PARD3B: variants seen among roughly 807,000 people sequenced by gnomAD.
PARD3B encodes partitioning defective 3 homolog B.
Under a neutral mutation model 130.2 loss-of-function variants are expected in PARD3B, and 103 were observed. The observed-to-expected ratio is 0.79, with a 90% CI of 0.67 to 0.93. PARD3B has a LOEUF of 0.93. Ranked by LOEUF, PARD3B falls within the 40% of genes least tolerant of loss-of-function variation. The pLI is 0.00. For missense variants in PARD3B, 1,609 were observed against 1,499.2 expected (o/e 1.07, Z -1.21); for synonymous variants, 583 against 553.2 (o/e 1.05, Z -0.76).
chr2:205,560,051 G>A (rs768656091), intron 22 of PARD3B, among the ~76,000 whole-genome samples: 1 of 152,170 alleles, frequency 6.6e-6, no homozygotes, highest in Non-Finnish European at 1.5e-5. Context: ...AAGGTCACAC[G>A]CAGAGAGAGG....
At chr2:205,206,534 A>C (rs1179987424) in intron 15 of PARD3B, among the ~76,000 whole-genome samples, 1 of 151,222 alleles carries the variant, frequency 6.6e-6, no homozygotes, top group Non-Finnish European at 1.5e-5. Flanking sequence ...TGTCCCTACA[A>C]AGGACATGAA....
rs747104804 is a variant in PARD3B at position 205,119,010 on chromosome 2, T to C, written c.770T>C (p.Ile257Thr). 3 of 1,610,056 alleles carry C rather than the reference T, an allele frequency of 1.9e-6. No homozygotes were observed. In the South Asian group the frequency reaches 3.3e-5, roughly 18 times the overall value. The change falls in exon 7 of 23, where the codon ATC (isoleucine) becomes ACC (threonine). Residue 257 changes from isoleucine to threonine, a missense_variant. Transcript: ENST00000406610. ...CACGAAAATGAATGTATTGTAAAAA[T>C]CAACAATGTGGATCTCGTAGACAAA... is the stretch of plus-strand genomic sequence containing the variant. Reference protein sequence around the residue: ...LFHENECIVKINNVDLVDKTF... With the variant: ...LFHENECIVKTNNVDLVDKTF...
At chr2:205,381,842 A>G (rs2045460859) in intron 18 of PARD3B, among the ~76,000 whole-genome samples, 1 of 152,054 alleles carries the variant, frequency 6.6e-6, no homozygotes, top group Admixed American at 6.6e-5. Context: ...TCTAACAAGA[A>G]ACTAGAGGGA....
At chr2:205,395,674 A>G (rs1451710422) in intron 18 of PARD3B, among the ~76,000 whole-genome samples, 1 of 152,026 alleles carries the variant, frequency 6.6e-6, no homozygotes, top group East Asian at 1.9e-4. Context: ...CTCAATGGCC[A>G]CTTCTCTAGT....
chr2:204,681,770 G>A (rs2036846488), intron 1 of PARD3B, among the ~76,000 whole-genome samples: 1 of 152,080 alleles, frequency 6.6e-6, no homozygotes, highest in Non-Finnish European at 1.5e-5. Context: ...GTGCATTGTG[G>A]GGCATCTGAT....
intron 2 of PARD3B, among the ~76,000 whole-genome samples, chr2:204,782,822 C>G (rs2041885636): frequency 6.6e-6 from 1 of 151,852 alleles, no homozygotes; most frequent in South Asian, 2.1e-4. Context: ...GTTTCTAATG[C>G]AGTGTTTTAA....
intron 22 of PARD3B, among the ~76,000 whole-genome samples, chr2:205,565,639 A>G (rs1020915670): frequency 3.9e-5 from 6 of 152,058 alleles, no homozygotes; most frequent in African/African-American, 1.5e-4. Flanking sequence ...TTCTTATCCA[A>G]TTTTTTAAAA....
In PARD3B at chr2:204,858,739, G is replaced by A. The variant is rs559721259; in HGVS notation, c.223-106413G>A. ...GTTAATTTGTTCTACAACAGTAACA[G>A]TTTTACTGTATATATAGGTGTATAT... On this transcript the variant is annotated intron_variant, in intron 2 of 22. Transcript: ENST00000406610. Among the ~76,000 whole-genome samples, 4 of 148,490 alleles carry A rather than the reference G, an allele frequency of 2.7e-5. No homozygotes were observed. The South Asian group carries it at 8.4e-4, about 31-fold the overall frequency.
At chr2:205,032,415 C>G (rs551211859) in intron 3 of PARD3B, among the ~76,000 whole-genome samples, 1 of 152,050 alleles carries the variant, frequency 6.6e-6, no homozygotes, top group Admixed American at 6.6e-5. Context: ...TTCTTCCTAC[C>G]GGATGCATAA....
intron 3 of PARD3B, among the ~76,000 whole-genome samples, chr2:204,978,518 A>G (rs1439920217): frequency 6.6e-6 from 1 of 152,214 alleles, no homozygotes; most frequent in Non-Finnish European, 1.5e-5. Flanking sequence ...CATGTGCACA[A>G]AAGTTGTACC....
rs1001263757 is a variant in PARD3B, at chr2:204,694,323, T to C, written c.222+8041T>C. Among the ~76,000 whole-genome samples the C allele has an allele frequency of 2.0e-5, 3 of 152,076 alleles. 1 individual carries two copies. Among genetic ancestry groups the C allele is most frequent in the Non-Finnish European group, 4.4e-5 (3 of 67,978 alleles). ...GTCTTTTTTTCTTTTTCAAATGTTA[T>C]TGGCTAGTAACATTTACCACTTACC... On this transcript the variant is annotated intron_variant, in intron 2 of 22. Coordinates refer to ENST00000406610, the MANE Select transcript of PARD3B (RefSeq NM_001302769.2).
chr2:205,500,012 C>G lies in PARD3B; in HGVS notation c.3161C>G (p.Ser1054Cys), dbSNP rs770002976. The G allele has an allele frequency of 7.9e-5, 128 of 1,613,650 alleles. 1 individual carries two copies. Among genetic ancestry groups the G allele is most frequent in the Non-Finnish European group, 1.1e-4 (126 of 1,179,772 alleles). Residue 1054 changes from serine (S) to cysteine (C), a missense_variant, in exon 21 of 23, where the codon TCT becomes TGT. Coordinates refer to ENST00000406610, the MANE Select transcript of PARD3B (RefSeq NM_001302769.2). ...GACGACGAAGGAAGAGCAAGGCCATCTGAGTATGACCTACTCTGGGTAAGC... is the reference window on the plus strand; with the variant it reads ...GACGACGAAGGAAGAGCAAGGCCATGTGAGTATGACCTACTCTGGGTAAGC... ...YEDDEGRARP[S>C]EYDLLWVPGR...
At chr2:205,491,913 G>T (rs931809589) in intron 20 of PARD3B, among the ~76,000 whole-genome samples, 4 of 152,144 alleles carry the variant, frequency 2.6e-5, no homozygotes, top group Admixed American at 6.5e-5. Flanking sequence ...CAGGATGGCT[G>T]GGGGGAGGAC....
chr2:205,064,788 A>G (rs190496601), intron 4 of PARD3B, among the ~76,000 whole-genome samples: 1 of 152,336 alleles, frequency 6.6e-6, no homozygotes, highest in East Asian at 1.9e-4. Flanking sequence ...GACATTTGAT[A>G]AGCATAAAAA....
rs114817637 is a variant in PARD3B at position 205,578,615 on chromosome 2, T to C, written c.3260+25212T>C. ...AGAATGAATGATAAAAATAGAATCATGAGAAAAAATGGTATCAAGGTATTG... is the reference window on the plus strand; with the variant it reads ...AGAATGAATGATAAAAATAGAATCACGAGAAAAAATGGTATCAAGGTATTG... On this transcript the variant is annotated intron_variant, in intron 22 of 22. Coordinates refer to ENST00000406610, the MANE Select transcript of PARD3B (RefSeq NM_001302769.2). Among the ~76,000 whole-genome samples, 271 of 152,272 alleles carry C rather than the reference T, an allele frequency of 1.8e-3. 1 individual carries two copies. Among genetic ancestry groups the C allele is most frequent in the African/African-American group, 6.3e-3 (263 of 41,572 alleles).
chr2:204,681,577 C>G (rs2125234093), intron 1 of PARD3B, among the ~76,000 whole-genome samples: 1 of 152,310 alleles, frequency 6.6e-6, no homozygotes, highest in South Asian at 2.1e-4. Context: ...TTCATCACTG[C>G]CTTTTCTGGC....
chr2:205,099,952 A>C (rs965052777), intron 4 of PARD3B, among the ~76,000 whole-genome samples: 3 of 152,176 alleles, frequency 2.0e-5, no homozygotes, highest in Admixed American at 6.6e-5. Context: ...GTAGTCATTG[A>C]CATGATTTCT....
chr2:205,242,689 A>T (rs753427027), intron 15 of PARD3B, among the ~76,000 whole-genome samples: 27 of 152,202 alleles, frequency 1.8e-4, no homozygotes, highest in Non-Finnish European at 3.5e-4. Flanking sequence ...CACGTACCCC[A>T]CAACCGTCAT....
chr2:205,291,204 T>C lies in PARD3B; in HGVS notation c.2186-9326T>C, dbSNP rs191304753. Among the ~76,000 whole-genome samples, 1 of 152,230 alleles carries C rather than the reference T, an allele frequency of 6.6e-6. No homozygotes were observed. ...CATGACTGAACTTTTAAAAGGTGAT[T>C]CTGGCAAGGGCTCCAAAGCAAAACA... On this transcript the variant is annotated intron_variant, in intron 16 of 22. Transcript: ENST00000406610. The surrounding 1 kb of genome is among the most constrained non-coding windows in gnomAD (Gnocchi z 4.6).
Sources: gnomAD v4.1 joint callset for allele counts (sites outside exome capture counted in the v4.1 genomes callset) on GRCh38, gnomAD v4.1.1 for gene constraint, Gnocchi (gnomAD v3.1) non-coding constraint, MANE v1.5 for transcripts, NCBI Gene and HGNC (gene_info 2026-07-23, HGNC 2026-07-21) for gene names.